Variants in BAZ2B observed in about 807,000 individuals in gnomAD.
BAZ2B encodes bromodomain adjacent to zinc finger domain 2B, also known as bromodomain adjacent to zinc finger domain protein 2B.
Under a neutral mutation model 246.0 loss-of-function variants are expected in BAZ2B, and 91 were observed. That is an observed-to-expected ratio of 0.37 (90% confidence interval 0.31 to 0.44). The LOEUF is 0.44. Among genes scored for constraint, BAZ2B ranks in the 20% least tolerant of loss-of-function variants. BAZ2B has a pLI of 1.00. For synonymous variants in BAZ2B, 855 were observed against 860.0 expected (o/e 0.99, Z 0.10); for missense variants, 2,332 against 2,533.7 (o/e 0.92, Z 1.71).
At chr2:159,352,502 C>A (rs893972714) in intron 27 of BAZ2B, among the ~76,000 whole-genome samples, 4 of 108,086 alleles carry the variant, frequency 3.7e-5, no homozygotes. Flanking sequence ...TTTTTTTTTT[C>A]TTAGATAGGG....
intron 13 of BAZ2B, among the ~76,000 whole-genome samples, chr2:159,413,708 C>CTAAA (rs34809172): frequency 0.12 from 18,217 of 151,362 alleles, 1,736 homozygotes; most frequent in African/African-American, 0.25. Flanking sequence ...GACTTCATCT[C>CTAAA]TAAATAAATA....
chr2:159,433,314 G>C lies in BAZ2B; in HGVS notation c.1343C>G (p.Ser448Trp). The change falls in exon 9 of 37, where the codon TCG becomes TGG. Residue 448 changes from serine to tryptophan, a missense_variant. By Grantham distance (177) the Ser-to-Trp change is radical. This residue lies in a region of BAZ2B where 651 missense variants were observed against 650.9 expected (regional missense o/e 1.00). Transcript: ENST00000392783. ...FPSQLKKQES[S>W]KSLKKVIAAL... The stretch of plus-strand genomic sequence containing the variant: ...TGCAATAACCTTCTTCAGGCTCTTC[G>C]ATGACTCTTGTTTCTTTAACTGTGA... 2 of 1,613,926 alleles carry C rather than the reference G, an allele frequency of 1.2e-6. No individual in the cohort carries two copies. The highest frequency in any genetic ancestry group is 1.7e-6 in the Non-Finnish European group (2 of 1,179,984).
At chr2:159,508,215 T>C (rs919957682) in intron 2 of BAZ2B, among the ~76,000 whole-genome samples, 3 of 152,194 alleles carry the variant, frequency 2.0e-5, no homozygotes, top group Non-Finnish European at 4.4e-5. Context: ...GCCTCATAAA[T>C]AGAACTTCCA....
chr2:159,506,815 C>A (rs966650125), intron 2 of BAZ2B, among the ~76,000 whole-genome samples: 2 of 152,110 alleles, frequency 1.3e-5, no homozygotes, highest in African/African-American at 4.8e-5. Flanking sequence ...AGTTCTTTTC[C>A]ACCCTCAGTA....
intron 2 of BAZ2B, among the ~76,000 whole-genome samples, chr2:159,554,591 A>G (rs997099304): frequency 6.6e-6 from 1 of 152,000 alleles, no homozygotes; most frequent in Non-Finnish European, 1.5e-5. Context: ...TTAACAAATG[A>G]ACCAGTTTTC....
chr2:159,676,467 T>C, the BAZ2B span, among the ~76,000 whole-genome samples: 8 of 152,170 alleles, frequency 5.3e-5, no homozygotes, highest in East Asian at 5.8e-4. Context: ...TAAATGACAA[T>C]AGTAAACCTT....
chr2:159,468,526 T>TG (rs1381745140), intron 3 of BAZ2B, among the ~76,000 whole-genome samples: 2 of 152,174 alleles, frequency 1.3e-5, no homozygotes, highest in African/African-American at 4.8e-5. Flanking sequence ...CTAAAATGGA[T>TG]ATCGATTTTA....
intron 13 of BAZ2B, among the ~76,000 whole-genome samples, chr2:159,416,186 T>TA (rs2067681007): frequency 6.6e-6 from 1 of 152,238 alleles, no homozygotes; most frequent in South Asian, 2.1e-4. Flanking sequence ...ATACATATGC[T>TA]AAAAATAACA....
At chr2:159,596,459 T>TA (rs1690737571) in intron 1 of BAZ2B, among the ~76,000 whole-genome samples, 1 of 152,248 alleles carries the variant, frequency 6.6e-6, no homozygotes, top group Non-Finnish European at 1.5e-5. Context: ...TTTGTCTTGA[T>TA]TTATAGCAGC....
rs1553607937 is a variant in BAZ2B, at chr2:159,429,240, C to T, written c.2215G>A (p.Val739Ile). ...ATACGCAGTTCACGTTCATCTGTTACTCTTCTTCTTTTGGAAGTGCCTTTA... is the reference window on the plus strand; with the variant it reads ...ATACGCAGTTCACGTTCATCTGTTATTCTTCTTCTTTTGGAAGTGCCTTTA... ...PHSGTSKRRR[V>I]TDERELRIPL... The change falls in exon 11 of 37, where the codon GTA (valine) becomes ATA (isoleucine). Residue 739 changes from valine (V) to isoleucine (I), a missense_variant. By Grantham distance (29) the Val-to-Ile change is conservative. Around this residue, in one of 9 missense-constraint regions of BAZ2B, gnomAD observed 651 missense variants for 650.9 expected, o/e 1.00. Coordinates refer to ENST00000392783, the MANE Select transcript of BAZ2B (RefSeq NM_013450.4). 1 of 1,549,306 alleles carries T rather than the reference C, an allele frequency of 6.5e-7. No homozygotes were observed. Among genetic ancestry groups the T allele is most frequent in the Non-Finnish European group, 8.8e-7 (1 of 1,141,754 alleles).
chr2:159,616,761 G>A (rs1696148391), upstream of BAZ2B: 2 of 152,122 alleles, frequency 1.3e-5, no homozygotes, highest in African/African-American at 2.4e-5. Context: ...CCAGGAAAAA[G>A]TTAAGAAACT....
intron 6 of BAZ2B, among the ~76,000 whole-genome samples, chr2:159,440,611 G>A (rs1042396118): frequency 2.6e-5 from 4 of 150,966 alleles, no homozygotes; most frequent in African/African-American, 4.9e-5. Flanking sequence ...CTGCCTCCCA[G>A]GTTCAAGCAA....
intron 2 of BAZ2B, among the ~76,000 whole-genome samples, chr2:159,510,413 C>T (rs1020542114): frequency 1.3e-5 from 2 of 152,076 alleles, no homozygotes; most frequent in Non-Finnish European, 2.9e-5. Context: ...ATCCTTGAGA[C>T]CCCGTCTCAG....
rs531526898 is a variant in BAZ2B at position 159,534,812 on chromosome 2, A to G, written c.-3+21011T>C. Among the ~76,000 whole-genome samples the G allele has an allele frequency of 6.7e-4, 102 of 152,114 alleles. 1 individual carries two copies. Among genetic ancestry groups the G allele is most frequent in the African/African-American group, 2.2e-3 (90 of 41,486 alleles). On this transcript the variant is annotated intron_variant, in intron 2 of 36. Coordinates refer to ENST00000392783, the MANE Select transcript of BAZ2B (RefSeq NM_013450.4). ...AGTAGATAAGGGGTTTCACCATGCT[A>G]GCCAGGTTGGTCTCGAATTCCTGAC...
chr2:159,352,192 T>C (rs899792298), intron 27 of BAZ2B, among the ~76,000 whole-genome samples: 6 of 152,206 alleles, frequency 3.9e-5, no homozygotes, highest in Admixed American at 1.3e-4. Context: ...TGCTAAGTTC[T>C]TGCCCTTCTC....
At chr2:159,535,122 A>T (rs1378035992) in intron 2 of BAZ2B, among the ~76,000 whole-genome samples, 1 of 143,300 alleles carries the variant, frequency 7.0e-6, no homozygotes, top group African/African-American at 3.0e-5. Flanking sequence ...ATATAATTAA[A>T]TTGGCAAGTG....
At chr2:159,371,682 TTATC>T (rs932310879) in intron 27 of BAZ2B, among the ~76,000 whole-genome samples, 1 of 152,206 alleles carries the variant, frequency 6.6e-6, no homozygotes, top group African/African-American at 2.4e-5. Flanking sequence ...TGCTCCCAGG[TTATC>T]TATTTTAGTG....
chr2:159,383,730 A>T, intron 23 of BAZ2B, 50 bp from the exon 24 acceptor site: 4 of 1,456,060 alleles, frequency 2.7e-6, no homozygotes, highest in Non-Finnish European at 3.8e-6. Context: ...AATTTATGCA[A>T]TGCATTAATT....
At chr2:159,622,289 AAAC>A in the BAZ2B span, among the ~76,000 whole-genome samples, 1 of 116,578 alleles carries the variant, frequency 8.6e-6, no homozygotes, top group Non-Finnish European at 1.8e-5. Context: ...AAAAAGGCAA[AAAC>A]CAAAGTGGTA....
Sources: allele counts gnomAD v4.1 joint callset (sites outside exome capture counted in the v4.1 genomes callset), GRCh38; gene constraint gnomAD v4.1.1; regional missense constraint gnomAD v4.1.1; transcripts MANE v1.5; gene names NCBI Gene and HGNC (gene_info 2026-07-23, HGNC 2026-07-21).